CACNA2D3: variants seen among roughly 807,000 people sequenced by gnomAD.
The protein encoded by CACNA2D3 is voltage-dependent calcium channel subunit alpha-2/delta-3.
In CACNA2D3, 60 loss-of-function variants were observed where a neutral mutation model predicts 160.6. The observed-to-expected ratio is 0.37, with a 90% confidence interval of 0.30 to 0.46. The LOEUF is 0.46. CACNA2D3 is among the 20% of genes least tolerant of loss of function. The pLI is 1.00. For missense variants in CACNA2D3, 1,205 were observed against 1,365.0 expected (o/e 0.88, Z 1.85); for synonymous variants, 558 against 492.9 (o/e 1.13, Z -1.75).
intron 5 of CACNA2D3, among the ~76,000 whole-genome samples, chr3:54,561,807 G>T (rs1233318907): frequency 6.6e-6 from 1 of 152,140 alleles, no homozygotes; most frequent in Non-Finnish European, 1.5e-5. Flanking sequence ...TGGTAATAAA[G>T]ACATACCTGA....
intron 2 of CACNA2D3, among the ~76,000 whole-genome samples, chr3:54,311,305 C>T (rs565120128): frequency 1.3e-5 from 2 of 152,304 alleles, no homozygotes; most frequent in Admixed American, 1.3e-4. Flanking sequence ...CTCCCCTCCG[C>T]ATCTCTCCTT....
rs1358560470 is a variant in CACNA2D3 at position 54,642,131 on chromosome 3, A to T, written c.1057A>T (p.Asn353Tyr). The change falls in exon 11 of 38, where the codon AAC becomes TAC. Residue 353 changes from asparagine (N) to tyrosine (Y), a missense_variant. Asn to Tyr is a moderately radical substitution (Grantham distance 143). This residue lies in a region of CACNA2D3 where 911 missense variants were observed against 1,002.2 expected (regional missense o/e 0.91). Transcript: ENST00000474759. ...NEAFNILSDF[N>Y]HTGQGSICSQ... Reference sequence around the variant, plus strand: ...TTGAACTTATTTCTTTCCCTAGTTCAACCACACGGGACAAGGAAGTATCTG... The same window carrying T: ...TTGAACTTATTTCTTTCCCTAGTTCTACCACACGGGACAAGGAAGTATCTG... 21 of 1,605,222 alleles carry T rather than the reference A, an allele frequency of 1.3e-5. No homozygotes were observed. Among genetic ancestry groups the T allele is most frequent in the Non-Finnish European group, 1.5e-5 (18 of 1,174,348 alleles).
chr3:54,299,212 T>TAA (rs10663745), intron 2 of CACNA2D3, among the ~76,000 whole-genome samples: 59,338 of 146,836 alleles, frequency 0.4, 12,306 homozygotes, highest in Middle Eastern at 0.5. Context: ...GTTCCATTAT[T>TAA]AAAAAAAAAA....
chr3:54,292,113 C>T (rs1183932900), intron 2 of CACNA2D3, among the ~76,000 whole-genome samples: 1 of 151,950 alleles, frequency 6.6e-6, no homozygotes, highest in African/African-American at 2.4e-5. Context: ...ACTGCATAGC[C>T]ACAGGCAAAA....
chr3:54,489,634 G>T (rs1701075314), intron 4 of CACNA2D3, among the ~76,000 whole-genome samples: 1 of 152,202 alleles, frequency 6.6e-6, no homozygotes. Context: ...GCAGAGCTGG[G>T]GTTGGAACTC....
intron 3 of CACNA2D3, among the ~76,000 whole-genome samples, chr3:54,342,775 G>T (rs1698380762): frequency 6.6e-6 from 1 of 152,242 alleles, no homozygotes; most frequent in Admixed American, 6.5e-5. Context: ...AAGGTGATGA[G>T]ATGTGTAATT....
intron 3 of CACNA2D3, among the ~76,000 whole-genome samples, chr3:54,345,789 A>G (rs532819512): frequency 6.6e-6 from 1 of 151,922 alleles, no homozygotes; most frequent in African/African-American, 2.4e-5. Context: ...AAGTCTTTGC[A>G]ATCTTAGATA....
At chr3:54,333,080 G>T (rs751245959) in intron 3 of CACNA2D3, among the ~76,000 whole-genome samples, 1 of 152,182 alleles carries the variant, frequency 6.6e-6, no homozygotes, top group Non-Finnish European at 1.5e-5. Context: ...TGAAGGCATT[G>T]AGAAGAGGAT....
chr3:54,315,366 C>T (rs570561483), intron 2 of CACNA2D3, among the ~76,000 whole-genome samples: 4 of 152,330 alleles, frequency 2.6e-5, no homozygotes, highest in Middle Eastern at 3.4e-3. Flanking sequence ...TTGGAACAGT[C>T]GTGTAAACTG....
chr3:55,004,398 A>G (rs576201872), intron 31 of CACNA2D3, among the ~76,000 whole-genome samples: 6 of 152,334 alleles, frequency 3.9e-5, no homozygotes, highest in South Asian at 4.1e-4. Flanking sequence ...ACATGGCCCA[A>G]GTAAATTCCA....
At chr3:54,219,643 C>T (rs1701528695) in intron 2 of CACNA2D3, among the ~76,000 whole-genome samples, 1 of 152,030 alleles carries the variant, frequency 6.6e-6, no homozygotes, top group Non-Finnish European at 1.5e-5. Flanking sequence ...TACTTATGTA[C>T]TGGCTTTCAG....
chr3:54,567,088 G>A (rs1702420373), intron 6 of CACNA2D3, among the ~76,000 whole-genome samples: 1 of 152,144 alleles, frequency 6.6e-6, no homozygotes, highest in South Asian at 2.1e-4. Context: ...AATTTTCATA[G>A]CAACTGTCTT....
chr3:54,877,256 C>G (rs1699683447), intron 18 of CACNA2D3: 1 of 152,180 alleles, frequency 6.6e-6, no homozygotes, highest in Non-Finnish European at 1.5e-5. Flanking sequence ...GCATCTGCCT[C>G]AAGCAAACTC....
chr3:54,208,759 A>G (rs112152586), intron 2 of CACNA2D3, among the ~76,000 whole-genome samples: 13 of 151,282 alleles, frequency 8.6e-5, no homozygotes, highest in South Asian at 4.2e-4. Flanking sequence ...TTTTTTTTCA[A>G]TTATCACAAT....
intron 3 of CACNA2D3, 64 bp from the exon 4 acceptor site, chr3:54,386,651 A>T (rs897786663): frequency 6.9e-7 from 1 of 1,443,764 alleles, no homozygotes; most frequent in African/African-American, 1.4e-5. Flanking sequence ...TCAATGGAGA[A>T]ATGGGGTTCA....
chr3:54,757,487 G>A (rs1032607952), intron 12 of CACNA2D3, among the ~76,000 whole-genome samples: 1 of 152,154 alleles, frequency 6.6e-6, no homozygotes, highest in Non-Finnish European at 1.5e-5. Context: ...GGCCGGAATG[G>A]TCATAGGCGA....
chr3:54,816,819 T>A, intron 13 of CACNA2D3, 34 bp from the exon 14 acceptor site: 1 of 1,610,302 alleles, frequency 6.2e-7, no homozygotes, highest in Non-Finnish European at 8.5e-7. Flanking sequence ...ATCAACTTTT[T>A]TCTTTTTTGT....
rs142587479 is a variant in CACNA2D3, at chr3:54,874,076, ACTT to A, written c.1710+2457_1710+2459del. Among the ~76,000 whole-genome samples, 1,402 of 152,296 alleles carry A rather than the reference ACTT, an allele frequency of 9.2e-3. 12 individuals carry two copies. The highest frequency in any genetic ancestry group is 0.03 in the African/African-American group (1,266 of 41,562). On this transcript the variant is annotated intron_variant, in intron 18 of 37. Transcript: ENST00000474759. ...GAGAATTTCTTGGAAGGTGAGTTCT[ACTT>A]CTCTAGGAAGTAGGCTCCTGAATTT... is the stretch of plus-strand genomic sequence containing the variant.
At chr3:54,897,535 T>C (rs7616067) in intron 26 of CACNA2D3, among the ~76,000 whole-genome samples, 67,994 of 151,950 alleles carry the variant, frequency 0.45, 16,328 homozygotes, top group East Asian at 0.8. Context: ...GCATCTGGTA[T>C]TTTGGGTGCT....
Sources: gnomAD v4.1 joint callset for allele counts (sites outside exome capture counted in the v4.1 genomes callset) on GRCh38, gnomAD v4.1.1 for gene constraint, gnomAD v4.1.1 regional missense constraint, MANE v1.5 for transcripts, NCBI Gene and HGNC (gene_info 2026-07-23, HGNC 2026-07-21) for gene names.